The following BACH2 variants were observed in gnomAD, a reference collection of about 807,000 sequenced individuals.
BACH2 encodes transcription regulator protein BACH2.
BACH2 carries 5 observed loss-of-function variants against 61.8 expected under a neutral mutation model. That is an observed-to-expected ratio of 0.08 (90% CI 0.04 to 0.17). BACH2 has a LOEUF of 0.17. Ranked by LOEUF, BACH2 falls within the 10% of genes least tolerant of loss-of-function variation. The pLI is 1.00. For missense variants in BACH2, 824 were observed against 1,091.1 expected (o/e 0.76, Z 3.45); for synonymous variants, 446 against 440.1 (o/e 1.01, Z -0.17).
At chr6:89,940,737 A>G (rs1773374254) in intron 7 of BACH2, among the ~76,000 whole-genome samples, 1 of 152,250 alleles carries the variant, frequency 6.6e-6, no homozygotes, top group South Asian at 2.1e-4. Flanking sequence ...CAGCTACATT[A>G]AAAGAAGTAA....
intron 5 of BACH2, among the ~76,000 whole-genome samples, chr6:90,012,815 G>C (rs1008745802): frequency 1.3e-5 from 2 of 151,810 alleles, no homozygotes; most frequent in Non-Finnish European, 2.9e-5. Context: ...AAAGAGGCAT[G>C]TGCCACCGTG....
intron 4 of BACH2, among the ~76,000 whole-genome samples, chr6:90,089,984 C>G (rs1782095871): frequency 6.6e-6 from 1 of 152,004 alleles, no homozygotes; most frequent in African/African-American, 2.4e-5. Flanking sequence ...AAAAATAGAA[C>G]AAAACAAAAC....
chr6:90,122,688 G>A (rs1340911315), intron 4 of BACH2, among the ~76,000 whole-genome samples: 1 of 152,228 alleles, frequency 6.6e-6, no homozygotes, highest in Admixed American at 6.5e-5. Context: ...GCACAGGCAA[G>A]AAGTGTGAAT....
chr6:89,967,563 T>C (rs1028684760), intron 6 of BACH2, among the ~76,000 whole-genome samples: 18 of 152,208 alleles, frequency 1.2e-4, no homozygotes, highest in Non-Finnish European at 7.3e-5. Context: ...GGAGGATTCA[T>C]AGAGCTCATC....
chr6:90,296,302 A>G (rs556773777), intron 1 of BACH2, among the ~76,000 whole-genome samples, 178 bp downstream of exon 1: 2 of 151,360 alleles, frequency 1.3e-5, no homozygotes, highest in African/African-American at 4.8e-5. Flanking sequence ...CGTTCCTAGA[A>G]AATGCCATAA....
intron 2 of BACH2, among the ~76,000 whole-genome samples, chr6:90,258,500 T>C (rs761123739): frequency 3.9e-5 from 6 of 152,226 alleles, no homozygotes; most frequent in Admixed American, 1.3e-4. Flanking sequence ...GGAAGTATAA[T>C]ACCTCCAACT....
chr6:90,040,643 G>A (rs1779489288), intron 5 of BACH2, among the ~76,000 whole-genome samples: 1 of 151,950 alleles, frequency 6.6e-6, no homozygotes, highest in Admixed American at 6.6e-5. Context: ...GACATGGATT[G>A]TCTTTCCATT....
At chr6:90,134,997 G>A (rs2127824711) in intron 4 of BACH2, among the ~76,000 whole-genome samples, 1 of 152,228 alleles carries the variant, frequency 6.6e-6, no homozygotes, top group Non-Finnish European at 1.5e-5. Context: ...GTGGCCCTGA[G>A]ATTTATACTC....
chr6:89,942,753 C>T (rs553777392), intron 7 of BACH2, among the ~76,000 whole-genome samples: 76 of 152,314 alleles, frequency 5.0e-4, no homozygotes, highest in African/African-American at 1.7e-3. Flanking sequence ...ATCAGGGCAG[C>T]CACTGAGTCA....
chr6:90,085,972 A>T (rs988261551), intron 5 of BACH2, among the ~76,000 whole-genome samples: 2 of 150,490 alleles, frequency 1.3e-5, no homozygotes, highest in African/African-American at 4.8e-5. Flanking sequence ...ATATCCATTG[A>T]ACAACAACTT....
chr6:90,029,514 T>C (rs1778836828), intron 5 of BACH2, among the ~76,000 whole-genome samples: 2 of 152,174 alleles, frequency 1.3e-5, no homozygotes, highest in Admixed American at 1.3e-4. Flanking sequence ...TTTATGTTTC[T>C]TTATAACGTT....
chr6:90,125,149 A>G (rs1280923556), intron 4 of BACH2, among the ~76,000 whole-genome samples: 1 of 152,226 alleles, frequency 6.6e-6, no homozygotes, highest in Non-Finnish European at 1.5e-5. Context: ...CACAATGAAA[A>G]GACACGGAGA....
intron 4 of BACH2, among the ~76,000 whole-genome samples, chr6:90,113,440 G>T (rs12194007): frequency 0.27 from 41,240 of 151,984 alleles, 6,886 homozygotes; most frequent in Non-Finnish European, 0.38. Context: ...AATGAAAACT[G>T]CTCAAAACCA....
chr6:90,205,285 A>C (rs1039619955), intron 4 of BACH2, among the ~76,000 whole-genome samples: 1 of 152,214 alleles, frequency 6.6e-6, no homozygotes, highest in Non-Finnish European at 1.5e-5. Flanking sequence ...CAACAGGCCC[A>C]CAATAACACA....
At chr6:90,036,297 C>T (rs1461415089) in intron 5 of BACH2, among the ~76,000 whole-genome samples, 1 of 151,696 alleles carries the variant, frequency 6.6e-6, no homozygotes, top group East Asian at 1.9e-4. Flanking sequence ...AGGCTCCCTG[C>T]ATATCCCTGC....
Position 90,294,309 on chromosome 6 carries a change from CAAT to C in BACH2, c.-446+2168_-446+2170del, listed in dbSNP as rs139008491. Among the ~76,000 whole-genome samples, 278 of 152,268 alleles carry C rather than the reference CAAT, an allele frequency of 1.8e-3. 1 individual carries two copies. The highest frequency in any genetic ancestry group is 4.6e-3 in the South Asian group (22 of 4,818). On this transcript the variant is annotated intron_variant, in intron 1 of 8. Transcript: ENST00000257749. ...GCAAAACGAAAATACGGCTCTGCAC[CAAT>C]AAAGTTATGTTCTAACAAAAATACT...
chr6:90,062,801 A>C, intron 5 of BACH2: 1 of 489,110 alleles, frequency 2.0e-6, no homozygotes, highest in African/African-American at 2.1e-5. Context: ...AGCAATTGAC[A>C]AACTACTCAA....
At chr6:89,936,583 G>A (rs151327315) in intron 8 of BACH2, among the ~76,000 whole-genome samples, 18 of 152,318 alleles carry the variant, frequency 1.2e-4, no homozygotes, top group African/African-American at 4.1e-4. Flanking sequence ...TGACACTGGA[G>A]AGGTAGCTAC....
intron 4 of BACH2, among the ~76,000 whole-genome samples, chr6:90,150,965 T>C (rs1447143703): frequency 6.6e-6 from 1 of 152,172 alleles, no homozygotes; most frequent in Non-Finnish European, 1.5e-5. Flanking sequence ...ACCATTAAAC[T>C]GGGACACTTT....
Sources: gnomAD v4.1 joint callset for allele counts (sites outside exome capture counted in the v4.1 genomes callset) on GRCh38, gnomAD v4.1.1 for gene constraint, MANE v1.5 for transcripts, NCBI Gene and HGNC (gene_info 2026-07-23, HGNC 2026-07-21) for gene names.